The following NMNAT2 variants were observed in gnomAD, a reference collection of about 807,000 sequenced individuals.
NMNAT2 encodes nicotinamide nucleotide adenylyltransferase 2.
A neutral mutation model predicts 41.6 loss-of-function variants in NMNAT2; 11 were observed. The ratio of observed to expected loss-of-function variants is 0.26; its 90% CI spans 0.17 to 0.44. NMNAT2 has a LOEUF of 0.44. NMNAT2 is among the 20% of genes least tolerant of loss of function. The pLI, the probability that NMNAT2 is intolerant of heterozygous loss-of-function variation, is 1.00. For synonymous variants in NMNAT2, 148 were observed against 151.2 expected (o/e 0.98, Z 0.16); for missense variants, 288 against 407.7 (o/e 0.71, Z 2.53).
At chr1:183,324,006 G>A (rs894148575) in intron 1 of NMNAT2, among the ~76,000 whole-genome samples, 12 of 152,218 alleles carry the variant, frequency 7.9e-5, no homozygotes, top group Non-Finnish European at 1.8e-4. Context: ...TTCAGGGCCT[G>A]CTGGGGGATC....
At chr1:183,268,188 T>A (rs917026702) in intron 8 of NMNAT2, among the ~76,000 whole-genome samples, 1 of 152,010 alleles carries the variant, frequency 6.6e-6, no homozygotes, top group Admixed American at 6.6e-5. Flanking sequence ...GAGAAAACAC[T>A]CATGATCCAG....
intron 1 of NMNAT2, among the ~76,000 whole-genome samples, chr1:183,332,615 C>G (rs1397007113): frequency 6.6e-6 from 1 of 152,092 alleles, no homozygotes; most frequent in African/African-American, 2.4e-5. Flanking sequence ...ACCAGCCAAC[C>G]CTGCACATGG....
intron 3 of NMNAT2, 49 bp downstream of exon 3, chr1:183,292,741 C>A (rs1661576375): frequency 1.9e-6 from 3 of 1,547,290 alleles, no homozygotes; most frequent in South Asian, 1.1e-5. Context: ...CACCCCACTC[C>A]CAGTAAGTCT....
chr1:183,319,155 C>G (rs1354610209), intron 1 of NMNAT2, among the ~76,000 whole-genome samples: 2 of 152,178 alleles, frequency 1.3e-5, no homozygotes, highest in African/African-American at 2.4e-5. Flanking sequence ...AGTCCTGACT[C>G]CACTGGAAAC....
chr1:183,284,052 G>A lies in NMNAT2; in HGVS notation c.530-13C>T, dbSNP rs938591314. 3 of 1,603,368 alleles carry A rather than the reference G, an allele frequency of 1.9e-6. No individual in the cohort carries two copies. In the African/African-American group the frequency reaches 4.0e-5, roughly 21 times the overall value. On this transcript the variant is annotated splice_polypyrimidine_tract_variant and intron_variant, in intron 6 of 10. Coordinates refer to ENST00000287713, the MANE Select transcript of NMNAT2 (RefSeq NM_015039.4). ...TTGGCATTCTCATCTAAGGAGGAAAGAAGGAAGGTAGGGCATTAGGGAACA... is the reference window on the plus strand; with the variant it reads ...TTGGCATTCTCATCTAAGGAGGAAAAAAGGAAGGTAGGGCATTAGGGAACA...
chr1:183,281,324 A>G (rs1452810009), intron 7 of NMNAT2, among the ~76,000 whole-genome samples: 1 of 152,032 alleles, frequency 6.6e-6, no homozygotes, highest in Non-Finnish European at 1.5e-5. Flanking sequence ...GTGGCATGCT[A>G]CTGGCATCTA....
chr1:183,290,024 G>T (rs539439059), intron 4 of NMNAT2, 104 bp downstream of exon 4: 4 of 861,410 alleles, frequency 4.6e-6, no homozygotes, highest in Middle Eastern at 3.5e-4. Context: ...CAGGTCGATA[G>T]GCCAGCAGCA....
At chr1:183,329,142 A>G (rs1438748397) in intron 1 of NMNAT2, among the ~76,000 whole-genome samples, 1 of 152,136 alleles carries the variant, frequency 6.6e-6, no homozygotes, top group Non-Finnish European at 1.5e-5. Flanking sequence ...ATTTCTGCCT[A>G]TGGGGGTTCA....
At chr1:183,411,971 G>A (rs1649129778) in intron 1 of NMNAT2, among the ~76,000 whole-genome samples, 1 of 152,152 alleles carries the variant, frequency 6.6e-6, no homozygotes, top group Non-Finnish European at 1.5e-5. Flanking sequence ...GGCATTCCCA[G>A]CAAAGGGAAC....
intron 3 of NMNAT2, among the ~76,000 whole-genome samples, chr1:183,292,044 C>CT (rs748105958): frequency 2.0e-5 from 3 of 152,250 alleles, no homozygotes; most frequent in Non-Finnish European, 4.4e-5. Flanking sequence ...CACTTCGCCC[C>CT]TTTCATGGAA....
chr1:183,301,315 T>G (rs1440896387), intron 1 of NMNAT2, among the ~76,000 whole-genome samples: 1 of 152,164 alleles, frequency 6.6e-6, no homozygotes, highest in Non-Finnish European at 1.5e-5. Context: ...CATGTTAGAA[T>G]ACCCACAAAA....
At chr1:183,397,877 A>G (rs1557899877) in intron 1 of NMNAT2, among the ~76,000 whole-genome samples, 1 of 152,194 alleles carries the variant, frequency 6.6e-6, no homozygotes, top group Non-Finnish European at 1.5e-5. Context: ...TTTTGTCACC[A>G]CCAGGCCTGC....
At chr1:183,383,608 T>C (rs1050872155) in intron 1 of NMNAT2, among the ~76,000 whole-genome samples, 3 of 152,254 alleles carry the variant, frequency 2.0e-5, no homozygotes, top group African/African-American at 2.4e-5. Context: ...AATGTTTTAC[T>C]GCTTAAAAAT....
intron 1 of NMNAT2, among the ~76,000 whole-genome samples, chr1:183,390,383 G>A (rs954932059): frequency 6.6e-6 from 1 of 152,142 alleles, no homozygotes; most frequent in African/African-American, 2.4e-5. Flanking sequence ...TTATAACGGA[G>A]CTGAGCCTGA....
chr1:183,339,313 G>A (rs1662745091), intron 1 of NMNAT2, among the ~76,000 whole-genome samples: 1 of 152,110 alleles, frequency 6.6e-6, no homozygotes, highest in Non-Finnish European at 1.5e-5. Context: ...TAGCCAGGAT[G>A]GTCTCAATCT....
At chr1:183,381,834 C>T (rs899734652) in intron 1 of NMNAT2, among the ~76,000 whole-genome samples, 5 of 152,102 alleles carry the variant, frequency 3.3e-5, no homozygotes, top group African/African-American at 7.2e-5. Context: ...CTATGAGTTA[C>T]GAATTATTAT....
intron 8 of NMNAT2, among the ~76,000 whole-genome samples, chr1:183,270,276 G>A (rs1020303439): frequency 3.9e-5 from 6 of 152,048 alleles, no homozygotes; most frequent in Non-Finnish European, 7.4e-5. Context: ...TGGGAGGCTG[G>A]GGTACTCTGT....
At chr1:183,361,757 C>T (rs1663312580) in intron 1 of NMNAT2, among the ~76,000 whole-genome samples, 1 of 152,118 alleles carries the variant, frequency 6.6e-6, no homozygotes, top group African/African-American at 2.4e-5. Flanking sequence ...TCAAGAACCT[C>T]ATTTCTGAAG....
At chr1:183,313,503 G>A (rs1662173847) in intron 1 of NMNAT2, among the ~76,000 whole-genome samples, 2 of 152,094 alleles carry the variant, frequency 1.3e-5, no homozygotes, top group African/African-American at 4.8e-5. Context: ...TTTTTGAGAT[G>A]GAGTCTCGCT....
Sources: allele counts gnomAD v4.1 joint callset (sites outside exome capture counted in the v4.1 genomes callset), GRCh38; gene constraint gnomAD v4.1.1; transcripts MANE v1.5; gene names NCBI Gene and HGNC (gene_info 2026-07-23, HGNC 2026-07-21).